TFB2M: variants seen among roughly 807,000 people sequenced by gnomAD.
TFB2M encodes the protein transcription factor B2, mitochondrial.
A neutral mutation model predicts 41.3 loss-of-function variants in TFB2M; 44 were observed. That is an observed-to-expected ratio of 1.07 (90% confidence interval 0.84 to 1.37). TFB2M has a LOEUF of 1.37. Among genes scored for constraint, TFB2M ranks in the 40% most tolerant of loss-of-function variants. The pLI, the probability that TFB2M is intolerant of heterozygous loss-of-function variation, is 0.00. For synonymous variants in TFB2M, 188 were observed against 176.8 expected (o/e 1.06, Z -0.50); for missense variants, 496 against 490.2 (o/e 1.01, Z -0.11).
chr1:246,546,946 A>G (rs185964357), intron 6 of TFB2M, among the ~76,000 whole-genome samples: 183 of 142,554 alleles, frequency 1.3e-3, no homozygotes, highest in African/African-American at 4.7e-3. Flanking sequence ...TTCATCCCTA[A>G]AAGTTTATAT....
At position 246,566,250 on chromosome 1, in the gene TFB2M, G is replaced by T. The variant is rs1298400395; in HGVS notation, c.-112C>A. 2 of 1,094,698 alleles carry T rather than the reference G, an allele frequency of 1.8e-6. No homozygotes were observed. Among genetic ancestry groups the T allele is most frequent in the Non-Finnish European group, 2.6e-6 (2 of 769,208 alleles). 67.8% of individuals were successfully genotyped at this position (1,094,698 alleles called of 1,614,324 possible). A position where few individuals can be genotyped will look rare whatever the true frequency, so the allele number is the denominator to read the frequency against. On this transcript the variant is annotated 5_prime_UTR_variant, in exon 1 of 8. Transcript: ENST00000366514. ...TCTGGCGTCCGGGCCAGGTCAAGCG[G>T]AAGTAAACACTAGAGCCTGCGCATG...
chr1:246,543,760 C>T (rs1658924754), intron 7 of TFB2M, among the ~76,000 whole-genome samples: 1 of 151,288 alleles, frequency 6.6e-6, no homozygotes, highest in African/African-American at 2.5e-5. Context: ...GTGGCAAAAC[C>T]CCATCTCTAC....
chr1:246,560,057 T>C (rs1044994324), intron 2 of TFB2M, among the ~76,000 whole-genome samples: 1 of 152,164 alleles, frequency 6.6e-6, no homozygotes, highest in African/African-American at 2.4e-5. Flanking sequence ...CACACATTTG[T>C]CATCTTTCTT....
intron 2 of TFB2M, among the ~76,000 whole-genome samples, chr1:246,560,656 A>C (rs1659433986): frequency 6.6e-6 from 1 of 152,248 alleles, no homozygotes; most frequent in South Asian, 2.1e-4. Flanking sequence ...CATGATAATA[A>C]TCAAAGCTTC....
At chr1:246,557,578 A>C (rs957344822) in intron 2 of TFB2M, 44 bp from the exon 3 acceptor site, 5 of 1,484,122 alleles carry the variant, frequency 3.4e-6, no homozygotes, top group Non-Finnish European at 4.5e-6. Context: ...TTCAGCATTA[A>C]GTATACTTTG....
intron 6 of TFB2M, among the ~76,000 whole-genome samples, chr1:246,546,703 G>C (rs1264491394): frequency 6.8e-6 from 1 of 147,730 alleles, no homozygotes; most frequent in Non-Finnish European, 1.5e-5. Flanking sequence ...CTATATTCAA[G>C]ATAAAACATC....
Position 246,566,017 on chromosome 1 carries a change from T to C in TFB2M, c.122A>G (p.His41Arg), listed in dbSNP as rs1019874721. ...ATRKHLPARN[H>R]CGLSDSSPQL... ...CGGAGAGGAGTCAGAGAGCCCACAG[T>C]GGTTCCTCGCCGGCAAATGCTTTCG... Residue 41 changes from histidine to arginine, a missense_variant, in exon 1 of 8, where the codon CAC becomes CGC. Physicochemically the swap from His to Arg is conservative, Grantham distance 29. Transcript: ENST00000366514. 3 of 1,614,160 alleles carry C rather than the reference T, an allele frequency of 1.9e-6. No homozygotes were observed. The highest frequency in any genetic ancestry group is 3.3e-5 in the Admixed American group (2 of 60,022).
intron 6 of TFB2M, among the ~76,000 whole-genome samples, chr1:246,544,934 TA>T (rs1658961610): frequency 2.0e-5 from 3 of 151,032 alleles, no homozygotes; most frequent in South Asian, 2.1e-4. Flanking sequence ...GCCTCCCGAG[TA>T]GCTGGGACTA....
chr1:246,564,141 C>T (rs899082003), intron 2 of TFB2M, among the ~76,000 whole-genome samples: 14 of 152,204 alleles, frequency 9.2e-5, no homozygotes, highest in African/African-American at 3.4e-4. Flanking sequence ...AACTAGCAAA[C>T]AAGTCTTAGA....
chr1:246,546,983 A>ACACACACACACAT (rs764498048), intron 6 of TFB2M, among the ~76,000 whole-genome samples: 6 of 127,180 alleles, frequency 4.7e-5, no homozygotes, highest in Non-Finnish European at 9.9e-5. Context: ...ACACACACAC[A>ACACACACACACAT]TTTTTTTTTT....
intron 7 of TFB2M, 113 bp downstream of exon 7, chr1:246,544,408 G>A (rs1658942828): frequency 2.1e-6 from 2 of 971,752 alleles, no homozygotes; most frequent in South Asian, 1.7e-5. Context: ...GAAATATGAG[G>A]GAAAACATGG....
intron 2 of TFB2M, among the ~76,000 whole-genome samples, chr1:246,562,872 A>C (rs1659493152): frequency 6.6e-6 from 1 of 151,872 alleles, no homozygotes; most frequent in Non-Finnish European, 1.5e-5. Context: ...GTTGGTCAGG[A>C]TGGTCTCAAT....
chr1:246,564,357 G>A lies in TFB2M; in HGVS notation c.391C>T (p.Pro131Ser), dbSNP rs750425324. The A allele has an allele frequency of 1.2e-6, 2 of 1,613,982 alleles. No individual in the cohort carries two copies. The highest frequency in any genetic ancestry group is 1.7e-6 in the Non-Finnish European group (2 of 1,179,906). Residue 131 changes from proline (P) to serine (S), a missense_variant, in exon 2 of 8, where the codon CCA (proline) becomes TCA (serine). Coordinates refer to ENST00000366514, the MANE Select transcript of TFB2M (RefSeq NM_022366.3). ...VALESDKTFI[P>S]HLESLGKNLD... ...AACTAAAAATATACCTCCAAATGTGGAATAAAAGTTTTGTCACTTTCGAGC... is the reference window on the plus strand; with the variant it reads ...AACTAAAAATATACCTCCAAATGTGAAATAAAAGTTTTGTCACTTTCGAGC...
chr1:246,548,148 T>C (rs1659074181), intron 6 of TFB2M, among the ~76,000 whole-genome samples: 1 of 152,194 alleles, frequency 6.6e-6, no homozygotes, highest in African/African-American at 2.4e-5. Flanking sequence ...GGTTTCACCA[T>C]GTTGGCCAGG....
chr1:246,560,367 CA>C (rs1659426630), intron 2 of TFB2M, among the ~76,000 whole-genome samples: 1 of 152,054 alleles, frequency 6.6e-6, no homozygotes, highest in South Asian at 2.1e-4. Flanking sequence ...ACTAATAATA[CA>C]AAAAATCAGC....
At chr1:246,562,953 C>T (rs1047760523) in intron 2 of TFB2M, among the ~76,000 whole-genome samples, 4 of 152,116 alleles carry the variant, frequency 2.6e-5, no homozygotes, top group African/African-American at 4.8e-5. Context: ...CCACCGCGCC[C>T]GGCCCACAGG....
intron 2 of TFB2M, among the ~76,000 whole-genome samples, chr1:246,560,272 G>A (rs1354405224): frequency 6.6e-6 from 1 of 152,186 alleles, no homozygotes; most frequent in Non-Finnish European, 1.5e-5. Context: ...ATTAAGGAAA[G>A]CTAAACAGCA....
At chr1:246,546,647 A>G (rs936839457) in intron 6 of TFB2M, among the ~76,000 whole-genome samples, 45 of 87,474 alleles carry the variant, frequency 5.1e-4, no homozygotes, top group African/African-American at 1.7e-3. Context: ...AAAAAAAGGA[A>G]AAAAAAAAAA....
chr1:246,541,098 T>C lies in TFB2M; in HGVS notation c.1124A>G (p.Glu375Gly). 1 of 1,614,162 alleles carries C rather than the reference T, an allele frequency of 6.2e-7. No individual in the cohort carries two copies. Reference protein sequence around the residue: ...MHPQDFKTLFETIERSKDCAY... With the variant: ...MHPQDFKTLFGTIERSKDCAY... Reference sequence around the variant, plus strand: ...ACAATCTTTGGAACGCTCTATAGTTTCAAAAAGTGTTTTGAAGTCTTGAGG... The same window carrying C: ...ACAATCTTTGGAACGCTCTATAGTTCCAAAAAGTGTTTTGAAGTCTTGAGG... The change falls in exon 8 of 8, where the codon GAA (glutamate) becomes GGA (glycine). Residue 375 changes from glutamate to glycine, a missense_variant. By Grantham distance (98) the Glu-to-Gly change is moderately conservative. Coordinates refer to ENST00000366514, the MANE Select transcript of TFB2M (RefSeq NM_022366.3).
Sources: gnomAD v4.1 joint callset for allele counts (sites outside exome capture counted in the v4.1 genomes callset) on GRCh38, gnomAD v4.1.1 for gene constraint, MANE v1.5 for transcripts, NCBI Gene and HGNC (gene_info 2026-07-23, HGNC 2026-07-21) for gene names.